The following LIMCH1 variants were observed in gnomAD, a reference collection of about 807,000 sequenced individuals.
LIMCH1 encodes LIM and calponin homology domains 1, also known as LIM and calponin homology domains-containing protein 1.
Under a neutral mutation model 176.5 loss-of-function variants are expected in LIMCH1, and 113 were observed. The ratio of observed to expected loss-of-function variants is 0.64; its 90% CI spans 0.55 to 0.75. The LOEUF (loss-of-function observed/expected upper bound fraction) is 0.75, where lower values mean the gene tolerates loss of function less well. Among genes scored for constraint, LIMCH1 ranks in the 30% least tolerant of loss-of-function variants. The pLI is 0.00. For synonymous variants in LIMCH1, 619 were observed against 645.9 expected, an observed-to-expected ratio of 0.96 and a Z score of 0.63; for missense variants, 1,674 against 1,814.9, an observed-to-expected ratio of 0.92 and a Z score of 1.41.
At chr4:41,571,591 A>G (rs2083567111) in intron 1 of LIMCH1, among the ~76,000 whole-genome samples, 1 of 152,152 alleles carries the variant, frequency 6.6e-6, no homozygotes, top group African/African-American at 2.4e-5. Flanking sequence ...GAAACAATGA[A>G]TTTATAAGGG....
chr4:41,675,590 A>C (rs909723363), intron 22 of LIMCH1, among the ~76,000 whole-genome samples: 1 of 152,052 alleles, frequency 6.6e-6, no homozygotes, highest in Non-Finnish European at 1.5e-5. Context: ...TGACTGGGGC[A>C]GCCGACTTTA....
At chr4:41,582,947 A>G (rs1449305902) in intron 1 of LIMCH1, among the ~76,000 whole-genome samples, 1 of 152,150 alleles carries the variant, frequency 6.6e-6, no homozygotes, top group African/African-American at 2.4e-5. Context: ...TTATTGTGGT[A>G]AAATATACAT....
At chr4:41,506,354 C>T (rs536416503) in intron 2 of LIMCH1, among the ~76,000 whole-genome samples, 12 of 152,158 alleles carry the variant, frequency 7.9e-5, no homozygotes, top group Non-Finnish European at 1.5e-4. Context: ...CGGATGTGTC[C>T]TAGTCTTGTA....
chr4:41,418,271 T>G (rs918230737), intron 1 of LIMCH1, among the ~76,000 whole-genome samples: 1 of 152,184 alleles, frequency 6.6e-6, no homozygotes, highest in African/African-American at 2.4e-5. Flanking sequence ...TTTCAAAAAT[T>G]TAATATAACA....
chr4:41,367,019 A>T, intron 1 of LIMCH1, among the ~76,000 whole-genome samples: 1 of 152,190 alleles, frequency 6.6e-6, no homozygotes, highest in Non-Finnish European at 1.5e-5. Flanking sequence ...GAGAGAGAGC[A>T]AGCGAAGAGG....
chr4:41,681,869 AAAAC>A (rs1716237092), intron 25 of LIMCH1, among the ~76,000 whole-genome samples: 1 of 152,174 alleles, frequency 6.6e-6, no homozygotes, highest in African/African-American at 2.4e-5. Flanking sequence ...AACAGCACTA[AAAAC>A]AAACAAAAAT....
intron 3 of LIMCH1, among the ~76,000 whole-genome samples, chr4:41,605,598 G>A (rs2090582036): frequency 6.6e-6 from 1 of 152,274 alleles, no homozygotes; most frequent in South Asian, 2.1e-4. Flanking sequence ...AAAAGATAAT[G>A]TGGGTAGATT....
chr4:41,557,962 G>A (rs1049113524), intron 1 of LIMCH1, among the ~76,000 whole-genome samples: 2 of 151,728 alleles, frequency 1.3e-5, no homozygotes, highest in Admixed American at 1.3e-4. Flanking sequence ...GAAACTTGAT[G>A]TCCAACAGCT....
chr4:41,457,853 A>G (rs1028798755), intron 1 of LIMCH1, among the ~76,000 whole-genome samples: 1 of 152,232 alleles, frequency 6.6e-6, no homozygotes, highest in African/African-American at 2.4e-5. Context: ...GCCTTCAAAG[A>G]CTTTGTTATT....
At chr4:41,597,554 G>A (rs2089132013) in intron 1 of LIMCH1, among the ~76,000 whole-genome samples, 1 of 152,104 alleles carries the variant, frequency 6.6e-6, no homozygotes, top group Non-Finnish European at 1.5e-5. Context: ...TTAGCTCAGG[G>A]TCCTGCAGGA....
At chr4:41,613,068 T>G in intron 4 of LIMCH1, 1 of 1,552,218 alleles carries the variant, frequency 6.4e-7, no homozygotes, top group Non-Finnish European at 8.7e-7. Flanking sequence ...AGGACAGACA[T>G]GCAGTTATGG....
chr4:41,391,800 A>C (rs571978128), intron 1 of LIMCH1, among the ~76,000 whole-genome samples: 39 of 152,308 alleles, frequency 2.6e-4, no homozygotes, highest in African/African-American at 7.7e-4. Flanking sequence ...ATGATAACTA[A>C]ATACAATATG....
intron 1 of LIMCH1, among the ~76,000 whole-genome samples, chr4:41,445,613 A>G (rs1046850791): frequency 6.6e-6 from 1 of 152,248 alleles, no homozygotes; most frequent in South Asian, 2.1e-4. Context: ...TTAGGTATTC[A>G]AGAAAAGCAT....
At chr4:41,367,456 C>T (rs1195466161) in intron 1 of LIMCH1, among the ~76,000 whole-genome samples, 1 of 152,032 alleles carries the variant, frequency 6.6e-6, no homozygotes, top group Non-Finnish European at 1.5e-5. Flanking sequence ...AGCTTGGCCT[C>T]CTGGTCAGTG....
intron 1 of LIMCH1, among the ~76,000 whole-genome samples, chr4:41,457,086 G>A (rs1024206606): frequency 2.6e-5 from 4 of 152,056 alleles, no homozygotes; most frequent in African/African-American, 9.7e-5. Context: ...TTATACTTTG[G>A]TTAGATACAG....
intron 1 of LIMCH1, among the ~76,000 whole-genome samples, chr4:41,428,748 G>A (rs1162213921): frequency 2.0e-5 from 3 of 152,184 alleles, no homozygotes; most frequent in Admixed American, 2.0e-4. Context: ...TTTCAGGTTG[G>A]ATTGAGGAAA....
chr4:41,540,283 AAAG>A (rs1345452493), intron 1 of LIMCH1, among the ~76,000 whole-genome samples: 7 of 152,206 alleles, frequency 4.6e-5, no homozygotes, highest in Admixed American at 3.9e-4. Context: ...AGGAGTAGGA[AAAG>A]AAGGAGAAAG....
intron 14 of LIMCH1, among the ~76,000 whole-genome samples, chr4:41,643,887 A>G (rs754298609): frequency 2.0e-5 from 3 of 152,228 alleles, no homozygotes; most frequent in Non-Finnish European, 2.9e-5. Flanking sequence ...ATGAACATAT[A>G]CATCAGCCAT....
At chr4:41,477,827 C>T (rs1372434979) in intron 1 of LIMCH1, among the ~76,000 whole-genome samples, 1 of 152,120 alleles carries the variant, frequency 6.6e-6, no homozygotes, top group Non-Finnish European at 1.5e-5. Context: ...GGGTTTTCCT[C>T]CTAAAACCAA....
Sources: gnomAD v4.1 joint callset for allele counts (sites outside exome capture counted in the v4.1 genomes callset) on GRCh38, gnomAD v4.1.1 for gene constraint, MANE v1.5 for transcripts, NCBI Gene and HGNC (gene_info 2026-07-23, HGNC 2026-07-21) for gene names.